The following TUSC3 variants were observed in gnomAD, a reference collection of about 807,000 sequenced individuals.
TUSC3 encodes tumor suppressor candidate 3.
Under a neutral mutation model 44.8 loss-of-function variants are expected in TUSC3, and 45 were observed. The ratio of observed to expected loss-of-function variants is 1.00; its 90% CI spans 0.79 to 1.29. The LOEUF is 1.29. TUSC3 is among the 50% of genes most tolerant of loss of function. TUSC3 has a pLI of 0.00. For missense variants in TUSC3, 519 were observed against 437.9 expected, an observed-to-expected ratio of 1.19 and a Z score of -1.65; for synonymous variants, 212 against 152.9, an observed-to-expected ratio of 1.39 and a Z score of -2.85.
chr8:15,418,846 A>T (rs529101165), intron 1 of TUSC3, among the ~76,000 whole-genome samples: 53 of 152,258 alleles, frequency 3.5e-4, no homozygotes, highest in Non-Finnish European at 5.3e-4. Flanking sequence ...TCTTTACAAA[A>T]AATTTAAAAC....
At chr8:15,800,402 G>A in the TUSC3 span, among the ~76,000 whole-genome samples, 2 of 151,786 alleles carry the variant, frequency 1.3e-5, no homozygotes, top group Non-Finnish European at 2.9e-5. Context: ...GTGAAAACCC[G>A]TATCTACAAA....
chr8:15,720,369 T>C (rs1227444074), intron 6 of TUSC3, among the ~76,000 whole-genome samples: 1 of 151,978 alleles, frequency 6.6e-6, no homozygotes, highest in African/African-American at 2.4e-5. Flanking sequence ...TTAAGTCTCA[T>C]TGGGCAGCCT....
chr8:15,806,587 T>A, the TUSC3 span: 28 of 1,472,732 alleles, frequency 1.9e-5, no homozygotes, highest in Non-Finnish European at 2.7e-5. Context: ...TACTATCACA[T>A]GCAAGGATAA....
the TUSC3 span, among the ~76,000 whole-genome samples, chr8:15,804,144 G>A: frequency 6.6e-6 from 1 of 152,124 alleles, no homozygotes; most frequent in East Asian, 1.9e-4. Context: ...CACAACGGTT[G>A]AACTAATTTA....
At chr8:15,528,040 A>T (rs527891700) in intron 2 of TUSC3, among the ~76,000 whole-genome samples, 7 of 152,182 alleles carry the variant, frequency 4.6e-5, no homozygotes, top group Non-Finnish European at 1.0e-4. Context: ...TTCCTTATAA[A>T]GAATTTAGTC....
chr8:15,512,050 G>A (rs1455005899), intron 2 of TUSC3, among the ~76,000 whole-genome samples: 1 of 152,138 alleles, frequency 6.6e-6, no homozygotes, highest in Admixed American at 6.5e-5. Context: ...GAACCTAGAA[G>A]ATCCAGAACA....
chr8:15,601,258 C>T (rs115454980), intron 1 of TUSC3, among the ~76,000 whole-genome samples: 1 of 151,666 alleles, frequency 6.6e-6, no homozygotes, highest in African/African-American at 2.4e-5. Context: ...TTGAATTTGT[C>T]AGTCTATAAA....
the TUSC3 span, among the ~76,000 whole-genome samples, chr8:15,802,831 C>T: frequency 1.1e-4 from 16 of 151,722 alleles, no homozygotes; most frequent in South Asian, 3.1e-3. Context: ...CAGAACGTGG[C>T]TAAATGTAGC....
At chr8:15,428,093 A>G (rs907917518) in intron 1 of TUSC3, among the ~76,000 whole-genome samples, 2 of 147,760 alleles carry the variant, frequency 1.4e-5, no homozygotes, top group African/African-American at 5.0e-5. Flanking sequence ...AGCATTAGGT[A>G]TATCCCCTAA....
chr8:15,427,327 C>T (rs1306438181), intron 1 of TUSC3, among the ~76,000 whole-genome samples: 1 of 151,494 alleles, frequency 6.6e-6, no homozygotes, highest in Non-Finnish European at 1.5e-5. Flanking sequence ...CACGCACACA[C>T]CAGGAGTGTC....
chr8:15,571,717 C>A (rs964087415), intron 1 of TUSC3, among the ~76,000 whole-genome samples: 1 of 152,088 alleles, frequency 6.6e-6, no homozygotes, highest in Non-Finnish European at 1.5e-5. Context: ...AGAATTTTAC[C>A]CATAGTCTGA....
intron 1 of TUSC3, among the ~76,000 whole-genome samples, chr8:15,568,996 T>C (rs757873090): frequency 1.3e-5 from 2 of 152,140 alleles, no homozygotes; most frequent in African/African-American, 2.4e-5. Context: ...TTAGTAAATA[T>C]TGCCAAGTAG....
At chr8:15,606,749 T>C (rs570482485) in intron 1 of TUSC3, among the ~76,000 whole-genome samples, 2 of 152,220 alleles carry the variant, frequency 1.3e-5, no homozygotes, top group South Asian at 4.1e-4. Context: ...ATTATTTCTT[T>C]AGGATAAATT....
chr8:15,551,067 C>G (rs561500671), intron 1 of TUSC3, among the ~76,000 whole-genome samples: 1 of 151,634 alleles, frequency 6.6e-6, no homozygotes, highest in East Asian at 1.9e-4. Flanking sequence ...GTCACTTAAC[C>G]GTTTGGAGCA....
At chr8:15,646,157 G>A (rs1563151720) in intron 2 of TUSC3, among the ~76,000 whole-genome samples, 1 of 152,122 alleles carries the variant, frequency 6.6e-6, no homozygotes, top group South Asian at 2.1e-4. Context: ...ATAGTGATTT[G>A]AAGTGACTTC....
Position 15,476,954 on chromosome 8 carries a change from A to G in TUSC3, n.92-6432A>G, listed in dbSNP as rs1192260132. Among the ~76,000 whole-genome samples the G allele has an allele frequency of 2.6e-5, 4 of 152,310 alleles. No homozygotes were observed. In the East Asian group the frequency reaches 5.8e-4, roughly 22 times the overall value. ...AGGCAGCCAATCAGAGGCTAAAGTG[A>G]AGTTACAAAGTTACACTTCTATGCA... is the stretch of plus-strand genomic sequence containing the variant. On this transcript the variant is annotated intron_variant and non_coding_transcript_variant, in intron 1 of 5. Coordinates refer to the TUSC3 transcript ENST00000503191.
In TUSC3 at chr8:15,706,977, ATAT is replaced by A. The variant is rs1809644650; in HGVS notation, c.799-23685_799-23683del. Among the ~76,000 whole-genome samples, 5 of 152,090 alleles carry A rather than the reference ATAT, an allele frequency of 3.3e-5. No individual in the cohort carries two copies. The South Asian group carries it at 1.0e-3, about 32-fold the overall frequency. On this transcript the variant is annotated intron_variant, in intron 6 of 10. Coordinates refer to ENST00000503731, the MANE Select transcript of TUSC3 (RefSeq NM_006765.4). ...AAATGCTACTTTTGATCATTGAATC[ATAT>A]TATAAGTCATCATTTGTTGCTATAA... is the stretch of plus-strand genomic sequence containing the variant.
At chr8:15,484,164 T>G (rs1800705063) in intron 2 of TUSC3, among the ~76,000 whole-genome samples, 1 of 152,120 alleles carries the variant, frequency 6.6e-6, no homozygotes, top group Admixed American at 6.5e-5. Flanking sequence ...CCTCTTAAAT[T>G]AGGTCTATTT....
At chr8:15,659,148 A>G (rs187880398) in intron 3 of TUSC3, among the ~76,000 whole-genome samples, 3 of 152,310 alleles carry the variant, frequency 2.0e-5, no homozygotes, top group Middle Eastern at 3.4e-3. Context: ...AAGTAAAATA[A>G]TTCATGTACT....
Sources: allele counts gnomAD v4.1 joint callset (sites outside exome capture counted in the v4.1 genomes callset), GRCh38; gene constraint gnomAD v4.1.1; transcripts MANE v1.5; gene names NCBI Gene and HGNC (gene_info 2026-07-23, HGNC 2026-07-21).